The following MKRN2OS variants were observed in gnomAD, a reference collection of about 807,000 sequenced individuals.
MKRN2OS encodes MKRN2 opposite strand protein.
MKRN2OS carries 17 observed loss-of-function variants against 18.2 expected under a neutral mutation model. That is an observed-to-expected ratio of 0.93 (90% CI 0.64 to 1.40). The LOEUF is 1.40. MKRN2OS is among the 40% of genes most tolerant of loss of function. MKRN2OS has a pLI of 0.00. For synonymous variants in MKRN2OS, 121 were observed against 108.5 expected (o/e 1.12, Z -0.72); for missense variants, 337 against 283.0 (o/e 1.19, Z -1.37).
At chr3:12,551,348 G>T (rs2057928012), downstream of MKRN2OS, among the ~76,000 whole-genome samples, 1 of 151,292 alleles carries the variant, frequency 6.6e-6, no homozygotes, top group African/African-American at 2.4e-5. Context: ...ACAAAAATTA[G>T]CCCGGGTGTG....
intron 1 of MKRN2OS, among the ~76,000 whole-genome samples, chr3:12,558,362 T>G (rs534744178): frequency 6.6e-6 from 1 of 152,350 alleles, no homozygotes; most frequent in Admixed American, 6.5e-5. Flanking sequence ...TGTGTTTACG[T>G]ATTTTTATTT....
chr3:12,543,050 CAT>C, intron 2 of MKRN2OS, 128 bp downstream of exon 2: 1 of 641,782 alleles, frequency 1.6e-6, no homozygotes, highest in South Asian at 2.5e-5. Flanking sequence ...ATGCCTACCT[CAT>C]GGTGCAGTAC....
intron 1 of MKRN2OS, among the ~76,000 whole-genome samples, chr3:12,543,498 A>C (rs1204746430): frequency 6.6e-6 from 1 of 152,134 alleles, no homozygotes; most frequent in Admixed American, 6.6e-5. Context: ...GAGGCACAAG[A>C]ATAGCTTGAA....
rs190629132 is a variant in MKRN2OS, at chr3:12,557,202, C to T, written n.265-3068G>A. ...GTCAGTGCGCTGGAGCCAGGAGCTTCGGGCCGCTCCCCCAGGCCGCAGGGG... is the reference window on the plus strand; with the variant it reads ...GTCAGTGCGCTGGAGCCAGGAGCTTTGGGCCGCTCCCCCAGGCCGCAGGGG... On this transcript the variant is annotated intron_variant and non_coding_transcript_variant, in intron 1 of 1. Coordinates refer to the MKRN2OS transcript ENST00000447550. 3.5e-4 allele frequency: 529 copies of T among 1,532,752 alleles called. 4 individuals are homozygous for T. In the East Asian group the frequency reaches 0.012, roughly 34 times the overall value. 94.9% of individuals were successfully genotyped at this position (1,532,752 alleles called of 1,614,324 possible).
At chr3:12,548,999 A>G (rs2057908904), upstream of MKRN2OS, among the ~76,000 whole-genome samples, 1 of 152,060 alleles carries the variant, frequency 6.6e-6, no homozygotes, top group Non-Finnish European at 1.5e-5. Flanking sequence ...CAGTGGCGTG[A>G]TCTTGCCTCA....
At chr3:12,543,570 G>A (rs1441891131) in intron 1 of MKRN2OS, among the ~76,000 whole-genome samples, 1 of 151,758 alleles carries the variant, frequency 6.6e-6, no homozygotes, top group East Asian at 1.9e-4. Context: ...CTGGGGGATA[G>A]AACGAGAGTC....
upstream of MKRN2OS, among the ~76,000 whole-genome samples, chr3:12,548,248 A>G (rs1164700863): frequency 6.6e-6 from 1 of 152,132 alleles, no homozygotes; most frequent in East Asian, 1.9e-4. Context: ...GGAGATCGAG[A>G]CCATCCTGGC....
intron 1 of MKRN2OS, among the ~76,000 whole-genome samples, chr3:12,555,242 G>A (rs1196964778): frequency 1.3e-5 from 2 of 151,592 alleles, no homozygotes; most frequent in African/African-American, 4.9e-5. Context: ...AACACGGGAG[G>A]TGGAGGTTGC....
intron 1 of MKRN2OS, among the ~76,000 whole-genome samples, chr3:12,554,306 G>C (rs1205733857): frequency 2.0e-5 from 3 of 151,772 alleles, no homozygotes; most frequent in Non-Finnish European, 2.9e-5. Flanking sequence ...AGTGCCCAGC[G>C]CCAGATAACG....
At chr3:12,552,588 T>G (rs2057937730), downstream of MKRN2OS, among the ~76,000 whole-genome samples, 1 of 151,490 alleles carries the variant, frequency 6.6e-6, no homozygotes, top group Non-Finnish European at 1.5e-5. Flanking sequence ...ATTTTGTATC[T>G]TTAGTAGGGT....
intron 1 of MKRN2OS, among the ~76,000 whole-genome samples, chr3:12,543,537 T>A (rs2454434): frequency 1 from 152,241 of 152,242 alleles, 76,120 homozygotes; most frequent in Non-Finnish European, 1. Flanking sequence ...CAGTGAGCCA[T>A]GATCGCACCA....
At chr3:12,559,195 C>T (rs2058013658) in intron 1 of MKRN2OS, among the ~76,000 whole-genome samples, 1 of 152,144 alleles carries the variant, frequency 6.6e-6, no homozygotes, top group Non-Finnish European at 1.5e-5. Context: ...AAATAAAAAA[C>T]ATAACAGGTG....
At chr3:12,550,543 T>G (rs2057922143), downstream of MKRN2OS, among the ~76,000 whole-genome samples, 1 of 152,132 alleles carries the variant, frequency 6.6e-6, no homozygotes, top group Non-Finnish European at 1.5e-5. Context: ...CAAGACCCCA[T>G]CTCTACAAAA....
In MKRN2OS at chr3:12,541,952, G is replaced by T. The variant is rs773175477; in HGVS notation, c.339C>A (p.Ile113=). 9 of 1,535,930 alleles carry T rather than the reference G, an allele frequency of 5.9e-6. No individual in the cohort carries two copies. In the Admixed American group the frequency reaches 7.8e-5, roughly 13 times the overall value. The part of the protein sequence containing the change: ...DGEGWEESIS[I]PLLQPNMYGM... The stretch of plus-strand genomic sequence containing the variant: ...CATACATGTTGGGCTGCAGTAATGG[G>T]ATGCTTATGCTCTCTTCCCACCCTT... The change falls in exon 3 of 4, where the codon ATC becomes ATA. Residue 113 remains isoleucine, a synonymous_variant. Coordinates refer to ENST00000564146, the MANE Select transcript of MKRN2OS (RefSeq NM_001195279.2).
At chr3:12,548,481 AAC>A (rs1559382700), upstream of MKRN2OS, among the ~76,000 whole-genome samples, 13 of 30,332 alleles carry the variant, frequency 4.3e-4, 1 homozygote, top group African/African-American at 0.011. Context: ...AAAAAAAAAA[AAC>A]CAGCCGAGCG....
chr3:12,553,892 G>C (rs993818391), exon 2 of MKRN2OS: 5 of 152,138 alleles, frequency 3.3e-5, no homozygotes, highest in African/African-American at 7.2e-5. Context: ...GGAAATTTTA[G>C]GAATATCATT....
chr3:12,558,005 A>G (rs778822696), intron 1 of MKRN2OS, among the ~76,000 whole-genome samples: 1 of 152,246 alleles, frequency 6.6e-6, no homozygotes, highest in Non-Finnish European at 1.5e-5. Flanking sequence ...AATGGAGTCT[A>G]GTCCTATTGA....
intron 1 of MKRN2OS, among the ~76,000 whole-genome samples, chr3:12,558,439 C>T (rs1023780829): frequency 6.6e-6 from 1 of 152,142 alleles, no homozygotes; most frequent in Admixed American, 6.5e-5. Flanking sequence ...AGCTTGTAGC[C>T]TCCTAGAAAA....
chr3:12,545,362 C>T lies in MKRN2OS; in HGVS notation c.103G>A (p.Asp35Asn). 6.5e-7 allele frequency: 1 copy of T among 1,536,056 alleles called. No individual in the cohort carries two copies. Among genetic ancestry groups the T allele is most frequent in the Non-Finnish European group, 8.7e-7 (1 of 1,146,882 alleles). The change falls in exon 1 of 4, where the codon GAC becomes AAC. Residue 35 changes from aspartate to asparagine, a missense_variant. Physicochemically the swap from Asp to Asn is conservative, Grantham distance 23 (BLOSUM62 1). Coordinates refer to ENST00000564146, the MANE Select transcript of MKRN2OS (RefSeq NM_001195279.2). ...VPQCCPLCQQ[D>N]LGSRKLEDAP... is the part of the protein sequence containing the mutation. Reference sequence around the variant, plus strand: ...TCCTCCAGCTTCCTCGAGCCCAGGTCCTGCTGGCAGAGAGGGCAGCACTGG... The same window carrying T: ...TCCTCCAGCTTCCTCGAGCCCAGGTTCTGCTGGCAGAGAGGGCAGCACTGG...
Sources: gnomAD v4.1 joint callset for allele counts (sites outside exome capture counted in the v4.1 genomes callset) on GRCh38, gnomAD v4.1.1 for gene constraint, MANE v1.5 for transcripts, NCBI Gene and HGNC (gene_info 2026-07-23, HGNC 2026-07-21) for gene names.